The following XIRP1 variants were observed in gnomAD, a reference collection of about 807,000 sequenced individuals.
The protein encoded by XIRP1 is xin actin-binding repeat-containing protein 1.
For synonymous variants in XIRP1, 984 were observed against 947.0 expected, an observed-to-expected ratio of 1.04 and a Z score of -0.72; for missense variants, 2,378 against 2,345.4, an observed-to-expected ratio of 1.01 and a Z score of -0.29.
rs144904530 is a variant in XIRP1 at position 39,187,119 on chromosome 3, C to T, written c.2327G>A (p.Arg776Gln). 7.1e-5 allele frequency: 115 copies of T among 1,613,270 alleles called. No individual in the cohort carries two copies. In the African/African-American group the frequency reaches 7.5e-4, roughly 10 times the overall value. Reference protein sequence around the residue: ...SQETAAEGTLRTLHATPGILH... With the variant: ...SQETAAEGTLQTLHATPGILH... Reference sequence around the variant, plus strand: ...GATGCCAGGTGTGGCATGCAGAGTCCGCAGGGTCCCCTCAGCTGCAGTCTC... The same window carrying T: ...GATGCCAGGTGTGGCATGCAGAGTCTGCAGGGTCCCCTCAGCTGCAGTCTC... The change falls in exon 2 of 2, where the codon CGG becomes CAG. Residue 776 changes from arginine (R) to glutamine (Q), a missense_variant. By Grantham distance (43) the Arg-to-Gln change is conservative. Coordinates refer to ENST00000340369, the MANE Select transcript of XIRP1 (RefSeq NM_194293.4).
In XIRP1 at chr3:39,187,886, G is replaced by A. The variant is rs2040014701; in HGVS notation, c.1560C>T (p.Pro520=). 6 of 1,614,148 alleles carry A rather than the reference G, an allele frequency of 3.7e-6. No homozygotes were observed. The highest frequency in any genetic ancestry group is 5.1e-6 in the Non-Finnish European group (6 of 1,180,030). ...QGYRWMFETQ[P]LDQLGRSPST... The stretch of plus-strand genomic sequence containing the variant: ...TGGGGCTTCGGCCGAGCTGGTCTAG[G>A]GGCTGTGTCTCAAACATCCACCTGT... Residue 520 remains proline (P), a synonymous_variant, in exon 2 of 2, where the codon CCC becomes CCT. Transcript: ENST00000340369.
In XIRP1 at chr3:39,184,532, G is replaced by A; in HGVS notation, c.4914C>T (p.Ala1638=). The stretch of plus-strand genomic sequence containing the variant: ...GCCTCCTGGTGGAAGGGGCAGTTGA[G>A]GCTGTGTGACCTCTGGCCTCTGTGT... ...RNHTEARGHT[A]STAPSTRRQE... is the part of the protein sequence containing the mutation. Residue 1638 remains alanine (A), a synonymous_variant, in exon 2 of 2, where the codon GCC becomes GCT. Coordinates refer to ENST00000340369, the MANE Select transcript of XIRP1 (RefSeq NM_194293.4). 2 of 1,613,790 alleles carry A rather than the reference G, an allele frequency of 1.2e-6. No homozygotes were observed. The highest frequency in any genetic ancestry group is 1.3e-5 in the African/African-American group (1 of 75,066).
rs1273593020 is a variant in XIRP1 at position 39,183,606 on chromosome 3, G to A, written c.*308C>T. On this transcript the variant is annotated 3_prime_UTR_variant, in exon 2 of 2. Transcript: ENST00000340369. The stretch of plus-strand genomic sequence containing the variant: ...TGTGCAAATTCACACATGTCGATGC[G>A]TGGGCCAGGCCTGTGTGAAAAACAT... 4 of 339,706 alleles carry A rather than the reference G, an allele frequency of 1.2e-5. No homozygotes were observed. Among genetic ancestry groups the A allele is most frequent in the Middle Eastern group, 7.7e-4 (1 of 1,296 alleles). The allele number at this position is 339,706 out of a possible 1,614,324, so 21.0% of individuals were successfully genotyped here. A position where few individuals can be genotyped will look rare whatever the true frequency, so the allele number is the denominator to read the frequency against.
Position 39,188,651 on chromosome 3 carries a change from C to A in XIRP1, c.795G>T (p.Ala265=), listed in dbSNP as rs370564322. 2 of 1,612,978 alleles carry A rather than the reference C, an allele frequency of 1.2e-6. No individual in the cohort carries two copies. The highest frequency in any genetic ancestry group is 1.3e-5 in the African/African-American group (1 of 74,918). Residue 265 remains alanine (A), a synonymous_variant, in exon 2 of 2, where the codon GCG becomes GCT. Transcript: ENST00000340369. Reference sequence around the variant, plus strand: ...CAAAGAGCCAGCGGGCAGACCTCACCGCGTTGCTTTGGATCTCCTCCCGGC... The same window carrying A: ...CAAAGAGCCAGCGGGCAGACCTCACAGCGTTGCTTTGGATCTCCTCCCGGC... ...AACREEIQSN[A]VRSARWLFET...
chr3:39,186,853 G>T lies in XIRP1; in HGVS notation c.2593C>A (p.Pro865Thr), dbSNP rs762121701. Reference protein sequence around the residue: ...LQLKPLRLPTPGSSGNIEDMD... With the variant: ...LQLKPLRLPTTGSSGNIEDMD... ...TCTTCAATATTCCCACTGCTGCCTGGAGTTGGCAGCCTCAGCGGCTTGAGT... is the reference window on the plus strand; with the variant it reads ...TCTTCAATATTCCCACTGCTGCCTGTAGTTGGCAGCCTCAGCGGCTTGAGT... The change falls in exon 2 of 2, where the codon CCA (proline) becomes ACA (threonine). Residue 865 changes from proline to threonine, a missense_variant. Physicochemically the swap from Pro to Thr is conservative, Grantham distance 38. Transcript: ENST00000340369. The T allele has an allele frequency of 9.3e-6, 15 of 1,613,792 alleles. No individual in the cohort carries two copies. The South Asian group carries it at 1.5e-4, about 17-fold the overall frequency.
Position 39,186,157 on chromosome 3 carries a change from C to T in XIRP1, c.3289G>A (p.Gly1097Arg), listed in dbSNP as rs1195320465. The T allele has an allele frequency of 6.2e-7, 1 of 1,613,714 alleles. No individual in the cohort carries two copies. Among genetic ancestry groups the T allele is most frequent in the South Asian group, 1.1e-5 (1 of 91,010 alleles). ...GGCCTTATGTTGCTTTGGGTAGCCC[C>T]AGCTTTCCGAAGACCGTCCTGGATG... Reference protein sequence around the residue: ...NPIQDGLRKAGATQSNIRPGG... With the variant: ...NPIQDGLRKARATQSNIRPGG... The change falls in exon 2 of 2, where the codon GGG becomes AGG. Residue 1097 changes from glycine to arginine, a missense_variant. Coordinates refer to ENST00000340369, the MANE Select transcript of XIRP1 (RefSeq NM_194293.4).
At position 39,188,539 on chromosome 3, in the gene XIRP1, C is replaced by A; in HGVS notation, c.907G>T (p.Asp303Tyr). 2 of 1,610,750 alleles carry A rather than the reference C, an allele frequency of 1.2e-6. No individual in the cohort carries two copies. Among genetic ancestry groups the A allele is most frequent in the Non-Finnish European group, 1.7e-6 (2 of 1,177,288 alleles). ...AAGATCCAGCGAGTTGCACTGACGTCGGGCCGGGCCCCCTCCTCCAGGGAA... is the reference window on the plus strand; with the variant it reads ...AAGATCCAGCGAGTTGCACTGACGTAGGGCCGGGCCCCCTCCTCCAGGGAA... ...GISLEEGARPDVSATRWIFET... is the reference protein window; with the variant it reads ...GISLEEGARPYVSATRWIFET... Residue 303 changes from aspartate (D) to tyrosine (Y), a missense_variant, in exon 2 of 2, where the codon GAC becomes TAC. Asp to Tyr is a radical substitution (Grantham distance 160, BLOSUM62 -3). Transcript: ENST00000340369.
In XIRP1 at chr3:39,187,633, C is replaced by T; in HGVS notation, c.1813G>A (p.Glu605Lys). ...TCTGACCCCTGCTTTTCGGCCAACT[C>T]ACTCATTGGGCAAGTCTCGAACAAC... ...RWLFETCPMS[E>K]LAEKQGSEVT... The change falls in exon 2 of 2, where the codon GAG (glutamate) becomes AAG (lysine). Residue 605 changes from glutamate to lysine, a missense_variant. Coordinates refer to ENST00000340369, the MANE Select transcript of XIRP1 (RefSeq NM_194293.4). 1 of 1,614,078 alleles carries T rather than the reference C, an allele frequency of 6.2e-7. No individual in the cohort carries two copies. Among genetic ancestry groups the T allele is most frequent in the Non-Finnish European group, 8.5e-7 (1 of 1,180,014 alleles).
chr3:39,186,003 A>G lies in XIRP1; in HGVS notation c.3443T>C (p.Val1148Ala), dbSNP rs780556088. 6.2e-7 allele frequency: 1 copy of G among 1,614,114 alleles called. No homozygotes were observed. The highest frequency in any genetic ancestry group is 2.2e-5 in the East Asian group (1 of 44,874). ...ACCCCCAGGTGGGTCAAAGGTCCTC[A>G]CGGGATGAGCGGTGTAGATGCCATC... ...IQDGIYTAHP[V>A]RTFDPPGGVQ... is the part of the protein sequence containing the mutation. Residue 1148 changes from valine (V) to alanine (A), a missense_variant, in exon 2 of 2, where the codon GTG becomes GCG. Physicochemically the swap from Val to Ala is moderately conservative, Grantham distance 64 (BLOSUM62 0). Coordinates refer to ENST00000340369, the MANE Select transcript of XIRP1 (RefSeq NM_194293.4).
intron 1 of XIRP1, among the ~76,000 whole-genome samples, 159 bp downstream of exon 1, chr3:39,192,287 C>T (rs1033935598): frequency 6.6e-6 from 1 of 152,194 alleles, no homozygotes; most frequent in Non-Finnish European, 1.5e-5. Flanking sequence ...TTTGTGGGTT[C>T]TTTATGTCTG....
At position 39,184,534 on chromosome 3, in the gene XIRP1, C is replaced by T; in HGVS notation, c.4912G>A (p.Ala1638Thr). 1 of 1,613,762 alleles carries T rather than the reference C, an allele frequency of 6.2e-7. No homozygotes were observed. Among genetic ancestry groups the T allele is most frequent in the East Asian group, 2.2e-5 (1 of 44,890 alleles). The change falls in exon 2 of 2, where the codon GCC (alanine) becomes ACC (threonine). Residue 1638 changes from alanine (A) to threonine (T), a missense_variant. Ala to Thr is a moderately conservative substitution (Grantham distance 58). Coordinates refer to ENST00000340369, the MANE Select transcript of XIRP1 (RefSeq NM_194293.4). ...RNHTEARGHT[A>T]STAPSTRRQE... is the part of the protein sequence containing the mutation. ...CTCCTGGTGGAAGGGGCAGTTGAGG[C>T]TGTGTGACCTCTGGCCTCTGTGTGA...
At position 39,187,684 on chromosome 3, in the gene XIRP1, T is replaced by C. The variant is rs2040008222; in HGVS notation, c.1762A>G (p.Lys588Glu). ...CACCGGATGGTCTGCACATCGCCCT[T>C]TGGGGGTGCCTCAGGCTGGGGGTCT... is the stretch of plus-strand genomic sequence containing the variant. ...QGDPQPEAPP[K>E]GDVQTIRWLF... Residue 588 changes from lysine to glutamate, a missense_variant, in exon 2 of 2, where the codon AAG (lysine) becomes GAG (glutamate). By Grantham distance (56) the Lys-to-Glu change is moderately conservative. Transcript: ENST00000340369. 6.2e-7 allele frequency: 1 copy of C among 1,614,040 alleles called. No homozygotes were observed. Among genetic ancestry groups the C allele is most frequent in the Non-Finnish European group, 8.5e-7 (1 of 1,180,028 alleles).
At position 39,186,919 on chromosome 3, in the gene XIRP1, G is replaced by C; in HGVS notation, c.2527C>G (p.Gln843Glu). Reference sequence around the variant, plus strand: ...GGGTCTTCCTGCACCAGCAGCCCCTGCTGGTCCACATCTGGCCGGCGCAGG... The same window carrying C: ...GGGTCTTCCTGCACCAGCAGCCCCTCCTGGTCCACATCTGGCCGGCGCAGG... Reference protein sequence around the residue: ...QVLRRPDVDQQGLLVQEDPTG... With the variant: ...QVLRRPDVDQEGLLVQEDPTG... The change falls in exon 2 of 2, where the codon CAG (glutamine) becomes GAG (glutamate). Residue 843 changes from glutamine (Q) to glutamate (E), a missense_variant. Physicochemically the swap from Gln to Glu is conservative, Grantham distance 29. Transcript: ENST00000340369. The C allele has an allele frequency of 6.2e-7, 1 of 1,614,018 alleles. No individual in the cohort carries two copies. Among genetic ancestry groups the C allele is most frequent in the Non-Finnish European group, 8.5e-7 (1 of 1,179,926 alleles).
chr3:39,183,650 T>C lies in XIRP1; in HGVS notation c.*264A>G, dbSNP rs112208864. 7.5e-3 allele frequency: 4,045 copies of C among 542,512 alleles called. 135 individuals carry two copies. The highest frequency in any genetic ancestry group is 0.068 in the African/African-American group (3,590 of 52,558). 33.6% of individuals were successfully genotyped at this position (542,512 alleles called of 1,614,324 possible). A position where few individuals can be genotyped will look rare whatever the true frequency, so the allele number is the denominator to read the frequency against. ...AAAACATGTGTGTGTCTGTATATAT[T>C]ACATCCTCCACAAGCAGCTGGGAGC... On this transcript the variant is annotated 3_prime_UTR_variant, in exon 2 of 2. Transcript: ENST00000340369.
chr3:39,191,562 T>C (rs1172120071), intron 1 of XIRP1, among the ~76,000 whole-genome samples: 2 of 152,196 alleles, frequency 1.3e-5, no homozygotes, highest in African/African-American at 4.8e-5. Flanking sequence ...GCCTGAAGCA[T>C]GTCTCCTGAC....
intron 1 of XIRP1, 103 bp from the exon 2 acceptor site, chr3:39,189,628 CT>C: frequency 1.1e-6 from 1 of 876,566 alleles, no homozygotes; most frequent in South Asian, 2.1e-5. Flanking sequence ...CTGGGCTTCA[CT>C]TCGCTGCCTG....
Position 39,187,962 on chromosome 3 carries a change from G to C in XIRP1, c.1484C>G (p.Ala495Gly). Residue 495 changes from alanine to glycine, a missense_variant, in exon 2 of 2, where the codon GCC (alanine) becomes GGC (glycine). Coordinates refer to ENST00000340369, the MANE Select transcript of XIRP1 (RefSeq NM_194293.4). Reference protein sequence around the residue: ...AMQDSKGRLHALTSVSREQIV... With the variant: ...AMQDSKGRLHGLTSVSREQIV... ...CTGCTCTCTGCTAACAGAGGTCAGG[G>C]CATGGAGGCGGCCCTTGCTGTCCTG... 15 of 1,614,190 alleles carry C rather than the reference G, an allele frequency of 9.3e-6. No individual in the cohort carries two copies. The highest frequency in any genetic ancestry group is 1.3e-5 in the Non-Finnish European group (15 of 1,180,024).
Position 39,184,758 on chromosome 3 carries a change from C to T in XIRP1, c.4688G>A (p.Ser1563Asn). 2.5e-6 allele frequency: 4 copies of T among 1,614,250 alleles called. No individual in the cohort carries two copies. The highest frequency in any genetic ancestry group is 3.4e-6 in the Non-Finnish European group (4 of 1,180,046). ...AVHKALSSMS[S>N]LQPEASARGH... ...TCTGGCACTGGCCTCAGGCTGGAGG[C>T]TAGACATGGAGCTGAGTGCCTTGTG... is the stretch of plus-strand genomic sequence containing the variant. Residue 1563 changes from serine to asparagine, a missense_variant, in exon 2 of 2, where the codon AGC becomes AAC. Transcript: ENST00000340369.
Position 39,187,402 on chromosome 3 carries a change from A to G in XIRP1, c.2044T>C (p.Tyr682His). Reference protein sequence around the residue: ...GRPCGRRPVRYCSRVEIPSGQ... With the variant: ...GRPCGRRPVRHCSRVEIPSGQ... ...GAAGGGATCTCCACGCGGCTGCAGT[A>G]TCTCACAGGCCGTCTTCCACAGGGA... Residue 682 changes from tyrosine to histidine, a missense_variant, in exon 2 of 2, where the codon TAC becomes CAC. Tyr to His is a moderately conservative substitution (Grantham distance 83). Transcript: ENST00000340369. 3.1e-6 allele frequency: 5 copies of G among 1,614,178 alleles called. No homozygotes were observed. The highest frequency in any genetic ancestry group is 4.2e-6 in the Non-Finnish European group (5 of 1,180,040).
Sources: gnomAD v4.1 joint callset for allele counts (sites outside exome capture counted in the v4.1 genomes callset) on GRCh38, gnomAD v4.1.1 for gene constraint, MANE v1.5 for transcripts, NCBI Gene and HGNC (gene_info 2026-07-23, HGNC 2026-07-21) for gene names.